EPC1: variants seen among roughly 807,000 people sequenced by gnomAD.
The protein encoded by EPC1 is enhancer of polycomb 1.
A neutral mutation model predicts 98.4 loss-of-function variants in EPC1; 12 were observed. The ratio of observed to expected loss-of-function variants is 0.12; its 90% CI spans 0.08 to 0.20. The LOEUF (loss-of-function observed/expected upper bound fraction) is 0.20. Among genes scored for constraint, EPC1 ranks in the 10% least tolerant of loss-of-function variants. The pLI is 1.00. For missense variants in EPC1, 729 were observed against 990.5 expected (o/e 0.74, Z 3.54); for synonymous variants, 357 against 363.9 (o/e 0.98, Z 0.21).
At chr10:32,305,992 T>C (rs1835854575) in intron 1 of EPC1, 61 bp from the exon 2 acceptor site, 8 of 1,429,582 alleles carry the variant, frequency 5.6e-6, no homozygotes, top group South Asian at 1.7e-5. Context: ...ACAGATCATA[T>C]AGCCAAAAAG....
At chr10:32,323,911 C>T (rs1837094520) in intron 1 of EPC1, among the ~76,000 whole-genome samples, 1 of 152,026 alleles carries the variant, frequency 6.6e-6, no homozygotes, top group Admixed American at 6.6e-5. Flanking sequence ...AATTAATGGC[C>T]TAAATTGTTA....
intron 1 of EPC1, chr10:32,345,194 C>G (rs1838679938): frequency 5.1e-6 from 5 of 984,754 alleles, no homozygotes; most frequent in Non-Finnish European, 3.6e-6. Flanking sequence ...AAAGTTGATA[C>G]AAGTAAAATA....
At chr10:32,296,210 C>T (rs1835150033) in intron 2 of EPC1, among the ~76,000 whole-genome samples, 1 of 152,094 alleles carries the variant, frequency 6.6e-6, no homozygotes, top group African/African-American at 2.4e-5. Flanking sequence ...TCTGGGATTA[C>T]AGTCGTGAGC....
At chr10:32,360,851 G>A (rs926356885) in intron 1 of EPC1, among the ~76,000 whole-genome samples, 1 of 149,780 alleles carries the variant, frequency 6.7e-6, no homozygotes, top group African/African-American at 2.5e-5. Flanking sequence ...CCGAGATCGC[G>A]CCACTGCATT....
intron 13 of EPC1, 38 bp from the exon 14 acceptor site, chr10:32,269,173 C>T (rs1835714708): frequency 5.2e-6 from 8 of 1,535,496 alleles, no homozygotes; most frequent in South Asian, 1.1e-5. Context: ...TTATCTACAA[C>T]ATAAATATTC....
intron 1 of EPC1, among the ~76,000 whole-genome samples, chr10:32,365,415 A>G (rs1170906052): frequency 2.0e-5 from 3 of 152,210 alleles, no homozygotes; most frequent in African/African-American, 4.8e-5. Context: ...AATAATTAGC[A>G]CAGTCTTATT....
chr10:32,308,367 G>A (rs1291191905), intron 1 of EPC1, among the ~76,000 whole-genome samples: 1 of 142,522 alleles, frequency 7.0e-6, no homozygotes, highest in Non-Finnish European at 1.5e-5. Context: ...TCCAGCCTGG[G>A]TAACTGAGCA....
intron 6 of EPC1, among the ~76,000 whole-genome samples, chr10:32,288,023 G>A (rs1363807842): frequency 6.6e-6 from 1 of 152,134 alleles, no homozygotes. Flanking sequence ...GTAAAGTAGT[G>A]GCAAAAATTG....
chr10:32,343,528 C>T (rs1307298725), intron 1 of EPC1, among the ~76,000 whole-genome samples: 1 of 152,236 alleles, frequency 6.6e-6, no homozygotes, highest in Non-Finnish European at 1.5e-5. Context: ...TACTTTCAGA[C>T]TTAGCAAATT....
intron 1 of EPC1, among the ~76,000 whole-genome samples, chr10:32,324,061 A>C (rs1837108030): frequency 6.6e-6 from 1 of 151,784 alleles, no homozygotes; most frequent in Non-Finnish European, 1.5e-5. Context: ...TCAGCCTCCC[A>C]AGTGGCTGGG....
chr10:32,303,201 G>A (rs1835675868), intron 2 of EPC1, among the ~76,000 whole-genome samples: 1 of 152,116 alleles, frequency 6.6e-6, no homozygotes, highest in Non-Finnish European at 1.5e-5. Context: ...TACTCGGGAG[G>A]CTGAGGCACG....
intron 2 of EPC1, among the ~76,000 whole-genome samples, chr10:32,298,299 G>A (rs1000432291): frequency 3.3e-5 from 5 of 152,074 alleles, no homozygotes; most frequent in East Asian, 1.9e-4. Context: ...GTGTGCATTC[G>A]GTGAGTATGT....
chr10:32,346,694 T>G (rs1838847551), intron 1 of EPC1, 69 bp downstream of exon 1: 3 of 1,498,440 alleles, frequency 2.0e-6, no homozygotes, highest in Non-Finnish European at 2.8e-6. Context: ...GGTTTGCTGC[T>G]CCGCCGCCGC....
intron 10 of EPC1, among the ~76,000 whole-genome samples, chr10:32,274,722 A>T (rs1835995824): frequency 6.6e-6 from 1 of 152,178 alleles, no homozygotes; most frequent in African/African-American, 2.4e-5. Flanking sequence ...AATCTGTAGA[A>T]AAGATTTTTA....
chr10:32,309,685 G>A (rs1836093037), intron 1 of EPC1, among the ~76,000 whole-genome samples: 2 of 146,764 alleles, frequency 1.4e-5, no homozygotes, highest in Non-Finnish European at 3.0e-5. Flanking sequence ...GCCACACCCT[G>A]TCTCAAAAAA....
At chr10:32,271,076 C>T (rs1835819750) in intron 13 of EPC1, among the ~76,000 whole-genome samples, 1 of 151,864 alleles carries the variant, frequency 6.6e-6, no homozygotes, top group East Asian at 1.9e-4. Flanking sequence ...GTTGCAACCT[C>T]CACCTCCCAG....
rs1438220051 is a variant in EPC1 at position 32,286,761 on chromosome 10, A to G, written c.1324T>C (p.Leu442=). The part of the protein sequence containing the change: ...GLGDVRYRYC[L]TTLTVPQRCI... ...CTTTGGGGTACGGTGAGAGTAGTTA[A>G]GCAGTATCTATATCGCACATCCCCT... Residue 442 remains leucine, a synonymous_variant, in exon 9 of 14, where the codon TTA becomes CTA. Coordinates refer to ENST00000319778, the MANE Select transcript of EPC1 (RefSeq NM_001272004.3). 1.2e-6 allele frequency: 2 copies of G among 1,614,186 alleles called. No homozygotes were observed. Among genetic ancestry groups the G allele is most frequent in the Non-Finnish European group, 1.7e-6 (2 of 1,180,040 alleles).
At chr10:32,307,575 A>G (rs947961872) in intron 1 of EPC1, among the ~76,000 whole-genome samples, 30 of 152,194 alleles carry the variant, frequency 2.0e-4, no homozygotes, top group African/African-American at 7.0e-4. Context: ...CTAAACCCTC[A>G]GAATGCCTAA....
chr10:32,271,404 T>G, intron 13 of EPC1, 150 bp downstream of exon 13: 1 of 912,902 alleles, frequency 1.1e-6, no homozygotes, highest in Non-Finnish European at 1.7e-6. Context: ...GTTTAGTTCT[T>G]GAATAAATAA....
Sources: allele counts gnomAD v4.1 joint callset (sites outside exome capture counted in the v4.1 genomes callset), GRCh38; gene constraint gnomAD v4.1.1; transcripts MANE v1.5; gene names NCBI Gene and HGNC (gene_info 2026-07-23, HGNC 2026-07-21).